The following SWT1 variants were observed in gnomAD, a reference collection of about 807,000 sequenced individuals.
SWT1 encodes the protein SWT1 RNA endoribonuclease homolog.
SWT1 carries 33 observed loss-of-function variants against 107.3 expected under a neutral mutation model. The observed-to-expected ratio is 0.31, with a 90% CI of 0.23 to 0.41. The LOEUF (loss-of-function observed/expected upper bound fraction) is 0.41, where lower values mean the gene tolerates loss of function less well. Ranked by LOEUF, SWT1 falls within the 10% of genes least tolerant of loss-of-function variation. The pLI is 1.00. For missense variants in SWT1, 898 were observed against 1,028.9 expected, an observed-to-expected ratio of 0.87 and a Z score of 1.74; for synonymous variants, 345 against 348.3, an observed-to-expected ratio of 0.99 and a Z score of 0.11.
At chr1:185,277,989 C>T (rs1306491604) in intron 18 of SWT1, among the ~76,000 whole-genome samples, 1 of 151,190 alleles carries the variant, frequency 6.6e-6, no homozygotes, top group African/African-American at 2.4e-5. Flanking sequence ...TTTTTTTAAT[C>T]TTCTTTTTGT....
At chr1:185,220,939 T>A (rs531178930) in intron 14 of SWT1, among the ~76,000 whole-genome samples, 1 of 152,214 alleles carries the variant, frequency 6.6e-6, no homozygotes, top group Non-Finnish European at 1.5e-5. Context: ...ATGTGAGACG[T>A]ATTGCTTCCG....
At chr1:185,244,404 G>A (rs1050916265) in intron 16 of SWT1, among the ~76,000 whole-genome samples, 1 of 152,148 alleles carries the variant, frequency 6.6e-6, no homozygotes, top group Non-Finnish European at 1.5e-5. Flanking sequence ...ACATACTACA[G>A]GGAGTTGTAA....
intron 2 of SWT1, among the ~76,000 whole-genome samples, chr1:185,163,192 T>C (rs1383063588): frequency 6.6e-6 from 1 of 152,096 alleles, no homozygotes; most frequent in Non-Finnish European, 1.5e-5. Flanking sequence ...TTGATCTCTG[T>C]AGCATGCAAT....
intron 10 of SWT1, among the ~76,000 whole-genome samples, chr1:185,198,386 A>C (rs940609048): frequency 3.3e-5 from 5 of 152,094 alleles, no homozygotes; most frequent in African/African-American, 1.2e-4. Flanking sequence ...GAATAAGTGC[A>C]ATGTGCTGAG....
intron 16 of SWT1, among the ~76,000 whole-genome samples, chr1:185,250,182 C>T (rs1047379102): frequency 2.0e-5 from 3 of 152,094 alleles, no homozygotes; most frequent in African/African-American, 2.4e-5. Flanking sequence ...GGCTGGGTTG[C>T]GGTGATGTGA....
At chr1:185,286,263 G>A (rs147491411) in intron 18 of SWT1, among the ~76,000 whole-genome samples, 45 of 152,028 alleles carry the variant, frequency 3.0e-4, no homozygotes, top group African/African-American at 7.2e-4. Flanking sequence ...TCACTCTGTC[G>A]CCCAGACTGG....
intron 12 of SWT1, among the ~76,000 whole-genome samples, chr1:185,206,282 A>T (rs1167393649): frequency 1.3e-5 from 2 of 152,194 alleles, no homozygotes; most frequent in African/African-American, 4.8e-5. Flanking sequence ...TCACCCAGTT[A>T]CATGAAATAA....
Position 185,160,850 on chromosome 1 carries a change from C to T in SWT1, c.9C>T (p.Ser3=), listed in dbSNP as rs779542694. 3 of 1,611,104 alleles carry T rather than the reference C, an allele frequency of 1.9e-6. No homozygotes were observed. In the East Asian group the frequency reaches 6.7e-5, roughly 36 times the overall value. Residue 3 remains serine (S), a synonymous_variant, in exon 2 of 19, where the codon AGC becomes AGT. Transcript: ENST00000367500. ...TATGTTAGCTTTTCAGGATGTCCAG[C>T]AAAGAATCCTGTGGGAAAAAAGAGA... The part of the protein sequence containing the change: MS[S]KESCGKKETS...
chr1:185,232,127 T>C (rs1359881769), intron 16 of SWT1, among the ~76,000 whole-genome samples: 1 of 152,216 alleles, frequency 6.6e-6, no homozygotes, highest in Non-Finnish European at 1.5e-5. Flanking sequence ...TTGCCTCTTT[T>C]TGAATCGCAG....
rs377074840 is a variant in SWT1, at chr1:185,214,665, C to G, written c.2121+10C>G. The G allele has an allele frequency of 6.9e-6, 11 of 1,595,956 alleles. No individual in the cohort carries two copies. The highest frequency in any genetic ancestry group is 6.0e-6 in the Non-Finnish European group (7 of 1,173,116). ...TCAGACATTTGCAGAGGTAAGATGC[C>G]TTTGGAATGCCAGTTAGAGTAGCTA... is the stretch of plus-strand genomic sequence containing the variant. On this transcript the variant is annotated intron_variant, in intron 14 of 18. Coordinates refer to ENST00000367500, the MANE Select transcript of SWT1 (RefSeq NM_017673.7).
At chr1:185,252,552 A>G (rs1342726675) in intron 16 of SWT1, among the ~76,000 whole-genome samples, 1 of 152,000 alleles carries the variant, frequency 6.6e-6, no homozygotes, top group African/African-American at 2.4e-5. Flanking sequence ...GCATTTTTTC[A>G]TGTGTTTTTT....
chr1:185,285,861 G>T (rs971872406), intron 18 of SWT1, among the ~76,000 whole-genome samples: 1 of 152,174 alleles, frequency 6.6e-6, no homozygotes, highest in East Asian at 1.9e-4. Flanking sequence ...AAAATCAGTT[G>T]ACCATATATG....
At chr1:185,178,253 A>G (rs969068153) in intron 5 of SWT1, among the ~76,000 whole-genome samples, 1 of 152,184 alleles carries the variant, frequency 6.6e-6, no homozygotes, top group African/African-American at 2.4e-5. Context: ...AGGAAGGTAC[A>G]TGAGCACATA....
intron 1 of SWT1, among the ~76,000 whole-genome samples, chr1:185,158,068 A>G (rs1000112858): frequency 1.3e-5 from 2 of 152,150 alleles, no homozygotes; most frequent in Non-Finnish European, 2.9e-5. Context: ...GGGAAGCCCA[A>G]TTTAGTCTCA....
chr1:185,167,430 G>A (rs997503671), intron 3 of SWT1, among the ~76,000 whole-genome samples: 17 of 152,214 alleles, frequency 1.1e-4, no homozygotes, highest in African/African-American at 4.1e-4. Flanking sequence ...ACATATCCAG[G>A]ATAGCTACAT....
intron 12 of SWT1, 90 bp downstream of exon 12, chr1:185,204,953 C>A: frequency 1.5e-6 from 1 of 686,110 alleles, no homozygotes; most frequent in East Asian, 3.2e-5. Context: ...AAAATGCATA[C>A]GCTTCATTGA....
chr1:185,273,644 A>G (rs957981656), intron 17 of SWT1, among the ~76,000 whole-genome samples: 2 of 152,138 alleles, frequency 1.3e-5, no homozygotes, highest in African/African-American at 4.8e-5. Flanking sequence ...CGGAGGTTGC[A>G]GTGAGCCAAG....
At position 185,174,990 on chromosome 1, in the gene SWT1, G is replaced by T; in HGVS notation, c.843G>T (p.Arg281Ser). 1 of 1,613,836 alleles carries T rather than the reference G, an allele frequency of 6.2e-7. No homozygotes were observed. Among genetic ancestry groups the T allele is most frequent in the Non-Finnish European group, 8.5e-7 (1 of 1,179,956 alleles). Reference sequence around the variant, plus strand: ...CCCAGGTTTCATTAAATGTGACTAGGCAGAAAACTGAACATTTACTTTCAG... The same window carrying T: ...CCCAGGTTTCATTAAATGTGACTAGTCAGAAAACTGAACATTTACTTTCAG... ...ESSQVSLNVT[R>S]QKTEHLLSDF... is the part of the protein sequence containing the mutation. Residue 281 changes from arginine (R) to serine (S), a missense_variant, in exon 5 of 19, where the codon AGG (arginine) becomes AGT (serine). Physicochemically the swap from Arg to Ser is moderately radical, Grantham distance 110. Transcript: ENST00000367500.
At chr1:185,175,750 C>T (rs1292979089) in intron 5 of SWT1, among the ~76,000 whole-genome samples, 1 of 152,016 alleles carries the variant, frequency 6.6e-6, no homozygotes, top group Non-Finnish European at 1.5e-5. Flanking sequence ...CTGGAGAACA[C>T]TCGGGACAAT....
Sources: allele counts gnomAD v4.1 joint callset (sites outside exome capture counted in the v4.1 genomes callset), GRCh38; gene constraint gnomAD v4.1.1; transcripts MANE v1.5; gene names NCBI Gene and HGNC (gene_info 2026-07-23, HGNC 2026-07-21).